The following SGK3 variants were observed in gnomAD, a reference collection of about 807,000 sequenced individuals.
The protein encoded by SGK3 is serum/glucocorticoid regulated kinase family member 3.
A neutral mutation model predicts 68.5 loss-of-function variants in SGK3; 47 were observed. The observed-to-expected ratio is 0.69, with a 90% CI of 0.54 to 0.87. The LOEUF (loss-of-function observed/expected upper bound fraction) is 0.87, where lower values mean the gene tolerates loss of function less well. SGK3 is among the 40% of genes least tolerant of loss of function. The pLI is 0.00. For missense variants in SGK3, 479 were observed against 575.5 expected (o/e 0.83, Z 1.72); for synonymous variants, 181 against 189.1 (o/e 0.96, Z 0.35).
At chr8:66,835,898 T>C in intron 9 of SGK3, 45 bp from the exon 10 acceptor site, 4 of 1,609,000 alleles carry the variant, frequency 2.5e-6, no homozygotes, top group Non-Finnish European at 3.4e-6. Flanking sequence ...TTAAGAGAGC[T>C]GTTTTCTAGT....
chr8:66,713,845 G>A (rs1400549473), intron 1 of SGK3, among the ~76,000 whole-genome samples: 1 of 152,168 alleles, frequency 6.6e-6, no homozygotes, highest in African/African-American at 2.4e-5. Context: ...GGAAGTTTTA[G>A]GCATGTTTTA....
intron 1 of SGK3, among the ~76,000 whole-genome samples, chr8:66,772,970 T>C (rs1486594772): frequency 6.6e-6 from 1 of 152,176 alleles, no homozygotes; most frequent in Non-Finnish European, 1.5e-5. Context: ...CCCTGCTACA[T>C]GGTAACGTGA....
At chr8:66,839,367 A>G (rs555830155) in intron 10 of SGK3, among the ~76,000 whole-genome samples, 1 of 150,640 alleles carries the variant, frequency 6.6e-6, no homozygotes, top group South Asian at 2.1e-4. Context: ...CTAATGGTCC[A>G]GAGCTTATCT....
At chr8:66,825,176 A>T (rs1414893509) in intron 6 of SGK3, among the ~76,000 whole-genome samples, 1 of 152,142 alleles carries the variant, frequency 6.6e-6, no homozygotes, top group East Asian at 1.9e-4. Flanking sequence ...TTGGCTTTAA[A>T]TCTGAGTTTT....
At chr8:66,843,245 T>G (rs1294302810) in intron 13 of SGK3, among the ~76,000 whole-genome samples, 1 of 152,186 alleles carries the variant, frequency 6.6e-6, no homozygotes, top group Non-Finnish European at 1.5e-5. Context: ...CAAGGAGAAA[T>G]GCAGAATACA....
chr8:66,739,681 C>T (rs750292351), intron 1 of SGK3, among the ~76,000 whole-genome samples: 1 of 152,148 alleles, frequency 6.6e-6, no homozygotes, highest in Non-Finnish European at 1.5e-5. Context: ...CAGGCATGAG[C>T]CACAGTACCC....
At chr8:66,749,875 T>C (rs990491666) in intron 1 of SGK3, among the ~76,000 whole-genome samples, 2 of 151,892 alleles carry the variant, frequency 1.3e-5, no homozygotes, top group African/African-American at 4.8e-5. Context: ...AAAAATAGAA[T>C]GACTGCCTTG....
At chr8:66,755,472 ACACT>A (rs1246912659) in intron 1 of SGK3, among the ~76,000 whole-genome samples, 1 of 152,192 alleles carries the variant, frequency 6.6e-6, no homozygotes, top group Non-Finnish European at 1.5e-5. Context: ...CATCATGTAG[ACACT>A]CAGAAAGTTT....
chr8:66,774,366 A>G (rs77384252), intron 1 of SGK3, among the ~76,000 whole-genome samples: 6 of 152,002 alleles, frequency 3.9e-5, no homozygotes, highest in Non-Finnish European at 7.4e-5. Flanking sequence ...TCTTGCTATG[A>G]GGTCCAGGCT....
intron 1 of SGK3, among the ~76,000 whole-genome samples, chr8:66,768,832 A>G (rs1017123558): frequency 5.9e-5 from 9 of 152,228 alleles, no homozygotes; most frequent in South Asian, 2.1e-4. Context: ...TCAGCCTCCT[A>G]CAAGTGTTGA....
rs1807807951 is a variant in SGK3 at position 66,798,784 on chromosome 8, A to T, written c.180+159A>T. ...TCTTCAAAAACATCCTAACTTTGGA[A>T]TGCTTTCAAAGAAAGGGTAGAGAGA... On this transcript the variant is annotated intron_variant, in intron 3 of 16. Transcript: ENST00000521198. 2.0e-5 allele frequency among the ~76,000 whole-genome samples: 3 copies of T among 152,236 alleles called. No homozygotes were observed. In the South Asian group the frequency reaches 6.2e-4, roughly 31 times the overall value.
chr8:66,767,295 A>G, intron 1 of SGK3: 1 of 727,236 alleles, frequency 1.4e-6, no homozygotes, highest in South Asian at 1.8e-5. Context: ...TTTCCTTTTA[A>G]TGGTTATTTT....
At chr8:66,819,922 A>G (rs969838332) in intron 5 of SGK3, among the ~76,000 whole-genome samples, 1 of 151,440 alleles carries the variant, frequency 6.6e-6, no homozygotes, top group Non-Finnish European at 1.5e-5. Context: ...GGTTCAAGAG[A>G]TTCTCCTGCC....
At chr8:66,842,680 A>G (rs1047048492) in intron 13 of SGK3, among the ~76,000 whole-genome samples, 4 of 152,224 alleles carry the variant, frequency 2.6e-5, no homozygotes, top group Non-Finnish European at 4.4e-5. Context: ...CAAGTTTTCT[A>G]AATAATATGT....
intron 1 of SGK3, among the ~76,000 whole-genome samples, chr8:66,735,689 G>C (rs1484904390): frequency 6.6e-6 from 1 of 152,208 alleles, no homozygotes; most frequent in Admixed American, 6.5e-5. Flanking sequence ...ACCTGAGGTA[G>C]TTAGCTACAG....
At chr8:66,834,972 C>T (rs931484743) in intron 8 of SGK3, among the ~76,000 whole-genome samples, 11 of 150,508 alleles carry the variant, frequency 7.3e-5, no homozygotes, top group African/African-American at 2.7e-4. Context: ...CAACAAAGTG[C>T]AGTAAAACAA....
At chr8:66,723,131 ATTTTTTTTT>A (rs1177940065) in intron 1 of SGK3, among the ~76,000 whole-genome samples, 4 of 29,496 alleles carry the variant, frequency 1.4e-4, no homozygotes, top group East Asian at 1.7e-3. Flanking sequence ...ATATATATAT[ATTTTTTTTT>A]TTTTTTTTTT....
At chr8:66,814,112 CT>C (rs1563641732) in intron 5 of SGK3, among the ~76,000 whole-genome samples, 184 bp downstream of exon 5, 2 of 152,150 alleles carry the variant, frequency 1.3e-5, no homozygotes, top group African/African-American at 2.4e-5. Flanking sequence ...TAGTTATTTT[CT>C]TTTTTCCTTT....
chr8:66,741,553 AAAT>A (rs996909474), intron 1 of SGK3, among the ~76,000 whole-genome samples: 4 of 151,774 alleles, frequency 2.6e-5, no homozygotes, highest in African/African-American at 7.3e-5. Context: ...CCATCTCAAA[AAAT>A]AATAATAATA....
Sources: allele counts gnomAD v4.1 joint callset (sites outside exome capture counted in the v4.1 genomes callset), GRCh38; gene constraint gnomAD v4.1.1; transcripts MANE v1.5; gene names NCBI Gene and HGNC (gene_info 2026-07-23, HGNC 2026-07-21).